KHDRBS2: variants seen among roughly 807,000 people sequenced by gnomAD.
The protein encoded by KHDRBS2 is KH RNA binding domain containing, signal transduction associated 2.
In KHDRBS2, 26 loss-of-function variants were observed where a neutral mutation model predicts 44.3. The ratio of observed to expected loss-of-function variants is 0.59; its 90% CI spans 0.43 to 0.81. KHDRBS2 has a LOEUF of 0.81. KHDRBS2 is among the 40% of genes least tolerant of loss of function. The pLI is 0.00. For synonymous variants in KHDRBS2, 194 were observed against 151.1 expected, an observed-to-expected ratio of 1.28 and a Z score of -2.08; for missense variants, 476 against 433.1, an observed-to-expected ratio of 1.10 and a Z score of -0.88.
intron 2 of KHDRBS2, among the ~76,000 whole-genome samples, chr6:62,155,111 T>C (rs183323128): frequency 3.9e-5 from 6 of 152,256 alleles, no homozygotes; most frequent in Admixed American, 3.9e-4. Flanking sequence ...GAGATGGTAG[T>C]CTGGAAGACA....
chr6:62,240,672 GTATATA>G (rs4036655), intron 1 of KHDRBS2, among the ~76,000 whole-genome samples: 4,476 of 64,002 alleles, frequency 0.07, 181 homozygotes, highest in African/African-American at 0.094. Flanking sequence ...ATGTGTGTGT[GTATATA>G]TATATATATA....
intron 4 of KHDRBS2, among the ~76,000 whole-genome samples, chr6:61,929,815 TG>T (rs1489602737): frequency 6.6e-6 from 1 of 152,202 alleles, no homozygotes; most frequent in Non-Finnish European, 1.5e-5. Flanking sequence ...TATTCAAAAT[TG>T]TTAGATGAAG....
At chr6:61,584,979 G>A in the KHDRBS2 span, among the ~76,000 whole-genome samples, 1 of 151,722 alleles carries the variant, frequency 6.6e-6, no homozygotes, top group Non-Finnish European at 1.5e-5. Flanking sequence ...ATGTAGCTGT[G>A]TAAATTTATA....
rs181158399 is a variant in KHDRBS2 at position 62,140,920 on chromosome 6, T to C, written c.219+36265A>G. ...AGTCTTGCATGCAAAGAAACTTCTA[T>C]TGGTGTTCACAATTAGAGTGTCACT... On this transcript the variant is annotated intron_variant, in intron 2 of 8. Transcript: ENST00000281156. 9.2e-5 allele frequency among the ~76,000 whole-genome samples: 14 copies of C among 152,324 alleles called. No homozygotes were observed. In the South Asian group the frequency reaches 1.0e-3, roughly 11 times the overall value.
chr6:61,701,181 C>G (rs1768597872), intron 7 of KHDRBS2, among the ~76,000 whole-genome samples: 3 of 151,732 alleles, frequency 2.0e-5, no homozygotes, highest in Non-Finnish European at 4.4e-5. Context: ...TGAACAAAGC[C>G]CAACTATTGG....
chr6:62,078,526 A>C (rs1264084601), intron 2 of KHDRBS2, among the ~76,000 whole-genome samples: 1 of 151,994 alleles, frequency 6.6e-6, no homozygotes, highest in Non-Finnish European at 1.5e-5. Context: ...CAAAGATAAA[A>C]ATACTGATTA....
intron 2 of KHDRBS2, among the ~76,000 whole-genome samples, chr6:62,174,134 T>C (rs1470926571): frequency 1.3e-5 from 2 of 151,866 alleles, no homozygotes; most frequent in African/African-American, 4.8e-5. Context: ...TATTTTCAGA[T>C]GATATGATAC....
At chr6:62,140,446 T>C (rs1222988236) in intron 2 of KHDRBS2, among the ~76,000 whole-genome samples, 1 of 152,160 alleles carries the variant, frequency 6.6e-6, no homozygotes, top group Non-Finnish European at 1.5e-5. Flanking sequence ...GAGACTTTTG[T>C]AGTGAACATG....
At chr6:61,652,883 T>C in the KHDRBS2 span, among the ~76,000 whole-genome samples, 1 of 152,062 alleles carries the variant, frequency 6.6e-6, no homozygotes, top group Non-Finnish European at 1.5e-5. Flanking sequence ...CAAGCCTCTG[T>C]TGTGAACATG....
intron 6 of KHDRBS2, among the ~76,000 whole-genome samples, chr6:61,888,118 A>G (rs891450721): frequency 6.6e-6 from 1 of 152,194 alleles, no homozygotes; most frequent in South Asian, 2.1e-4. Flanking sequence ...CTCATAATAC[A>G]TTTTCCTCTC....
At chr6:61,924,407 T>C (rs1040009076) in intron 4 of KHDRBS2, among the ~76,000 whole-genome samples, 1 of 152,058 alleles carries the variant, frequency 6.6e-6, no homozygotes, top group African/African-American at 2.4e-5. Context: ...CACAGCTGCA[T>C]ACATCAAAAC....
the KHDRBS2 span, among the ~76,000 whole-genome samples, chr6:61,613,444 CAT>C: frequency 2.6e-5 from 4 of 152,162 alleles, no homozygotes; most frequent in Admixed American, 2.0e-4. Flanking sequence ...TTATTTTGCA[CAT>C]GTCACCAGCA....
the KHDRBS2 span, among the ~76,000 whole-genome samples, chr6:61,662,963 C>T: frequency 1.5e-4 from 22 of 151,710 alleles, no homozygotes; most frequent in Middle Eastern, 6.8e-3. Context: ...ATGTTTATAG[C>T]GGCACTATTC....
In KHDRBS2 at chr6:61,992,621, G is replaced by A. The variant is rs985459128; in HGVS notation, c.337-14409C>T. On this transcript the variant is annotated intron_variant, in intron 3 of 8. Transcript: ENST00000281156. ...TGTGTGTGTGTGTGTTTGTGCGCGC[G>A]TGCGCACGCTTATATGTGTAACCAG... Among the ~76,000 whole-genome samples, 9 of 152,210 alleles carry A rather than the reference G, an allele frequency of 5.9e-5. No individual in the cohort carries two copies. In the South Asian group the frequency reaches 8.3e-4, roughly 14 times the overall value.
chr6:62,015,862 A>G (rs1781116150), intron 3 of KHDRBS2, among the ~76,000 whole-genome samples: 1 of 152,182 alleles, frequency 6.6e-6, no homozygotes, highest in African/African-American at 2.4e-5. Context: ...TCCCTCTTGA[A>G]TCACAAAGGT....
chr6:61,575,910 A>G, the KHDRBS2 span, among the ~76,000 whole-genome samples: 2 of 152,154 alleles, frequency 1.3e-5, no homozygotes, highest in African/African-American at 2.4e-5. Context: ...CTATGAGGAC[A>G]CAAAGGCATA....
intron 6 of KHDRBS2, among the ~76,000 whole-genome samples, chr6:61,886,013 A>G (rs916161140): frequency 2.0e-5 from 3 of 152,116 alleles, no homozygotes; most frequent in African/African-American, 7.2e-5. Flanking sequence ...CTTTGGCCTG[A>G]ATACCTCCAA....
At chr6:62,080,319 A>G (rs1194791551) in intron 2 of KHDRBS2, among the ~76,000 whole-genome samples, 1 of 152,206 alleles carries the variant, frequency 6.6e-6, no homozygotes, top group East Asian at 1.9e-4. Context: ...AGACAAATCT[A>G]TTTTACAGAG....
rs1440318029 is a variant in KHDRBS2, at chr6:61,894,866, C to T, written c.612-33G>A. 2.6e-6 allele frequency: 4 copies of T among 1,514,820 alleles called. No individual in the cohort carries two copies. In the African/African-American group the frequency reaches 5.5e-5, roughly 21 times the overall value. The allele number at this position is 1,514,820 out of a possible 1,614,324, so 93.8% of individuals were successfully genotyped here. The stretch of plus-strand genomic sequence containing the variant: ...AAACAAGTCATGTATAGATGAGAAA[C>T]AGGTGATGAGAGAAAAGGGCCTATC... On this transcript the variant is annotated intron_variant, in intron 5 of 8. Coordinates refer to ENST00000281156, the MANE Select transcript of KHDRBS2 (RefSeq NM_152688.4).
Sources: gnomAD v4.1 joint callset for allele counts (sites outside exome capture counted in the v4.1 genomes callset) on GRCh38, gnomAD v4.1.1 for gene constraint, MANE v1.5 for transcripts, NCBI Gene and HGNC (gene_info 2026-07-23, HGNC 2026-07-21) for gene names.